FHOD1: variants seen among roughly 807,000 people sequenced by gnomAD.
FHOD1 encodes the protein formin homology 2 domain containing 1, also known as FH1/FH2 domain-containing protein 1.
A neutral mutation model predicts 111.6 loss-of-function variants in FHOD1; 89 were observed. The observed-to-expected ratio is 0.80, with a 90% confidence interval of 0.67 to 0.95. The LOEUF (loss-of-function observed/expected upper bound fraction) is 0.95, where lower values mean the gene tolerates loss of function less well. Ranked by LOEUF, FHOD1 falls within the 40% of genes least tolerant of loss-of-function variation. The pLI is 0.00. For synonymous variants in FHOD1, 618 were observed against 639.0 expected, an observed-to-expected ratio of 0.97 and a Z score of 0.50; for missense variants, 1,446 against 1,554.2, an observed-to-expected ratio of 0.93 and a Z score of 1.17.
At chr16:67,236,799 G>A in intron 10 of FHOD1, 66 bp from the exon 11 acceptor site, 1 of 1,290,346 alleles carries the variant, frequency 7.7e-7, no homozygotes, top group Non-Finnish European at 1.0e-6. Context: ...TCAGTGGGGT[G>A]GGGCCTGCGG....
chr16:67,239,269 T>G, intron 2 of FHOD1, 79 bp downstream of exon 2: 1 of 1,101,884 alleles, frequency 9.1e-7, no homozygotes, highest in Middle Eastern at 2.0e-4. Context: ...AGTGATCGAG[T>G]GTCTCAGCTG....
Position 67,238,720 on chromosome 16 carries a change from T to C in FHOD1, c.373+183A>G. 1.5e-6 allele frequency: 1 copy of C among 681,722 alleles called. No homozygotes were observed. The highest frequency in any genetic ancestry group is 2.6e-6 in the Non-Finnish European group (1 of 385,034). The allele number at this position is 681,722 out of a possible 1,614,324, so 42.2% of individuals were successfully genotyped here. On this transcript the variant is annotated intron_variant, in intron 3 of 21. Transcript: ENST00000258201. This position sits in a 1 kb window ranked among gnomAD's most constrained non-coding sequence, Gnocchi z 4.2. ...GCATGAGCTACCACGCCTGGTCTAT[T>C]CTAACATTCTTGAATCCCCCTCCAC...
In FHOD1 at chr16:67,231,399, C is replaced by T; in HGVS notation, c.2505+31G>A. On this transcript the variant is annotated intron_variant, in intron 16 of 21. Transcript: ENST00000258201. This position sits in a 1 kb window ranked among gnomAD's most constrained non-coding sequence, Gnocchi z 4.3. ...GGCCTGGTTGGCTCCAGAACCCTGA[C>T]TCCCCCTAGTCCCCATGTACTCTCA... 6.2e-7 allele frequency: 1 copy of T among 1,613,614 alleles called. No individual in the cohort carries two copies. Among genetic ancestry groups the T allele is most frequent in the Admixed American group, 1.7e-5 (1 of 59,996 alleles).
chr16:67,247,247 A>G lies in FHOD1; in HGVS notation c.164T>C (p.Ile55Thr), dbSNP rs1206679925. Residue 55 changes from isoleucine (I) to threonine (T), a missense_variant, in exon 1 of 22, where the codon ATA becomes ACA. Physicochemically the swap from Ile to Thr is moderately conservative, Grantham distance 89. This residue lies in a region of FHOD1 where 127 missense variants were observed against 118.0 expected (regional missense o/e 1.08). Coordinates refer to ENST00000258201, the MANE Select transcript of FHOD1 (RefSeq NM_013241.3). ...TCCCAGCAGGCGGTGCACCGCGGGTATCTGCGCGCCCAAGGGCAGCGCCCC... is the reference window on the plus strand; with the variant it reads ...TCCCAGCAGGCGGTGCACCGCGGGTGTCTGCGCGCCCAAGGGCAGCGCCCC... Reference protein sequence around the residue: ...LDGALPLGAQIPAVHRLLGAP... With the variant: ...LDGALPLGAQTPAVHRLLGAP... 1 of 1,607,154 alleles carries G rather than the reference A, an allele frequency of 6.2e-7. No homozygotes were observed. The highest frequency in any genetic ancestry group is 1.3e-5 in the African/African-American group (1 of 74,736).
chr16:67,234,761 T>G (rs1436407389), intron 11 of FHOD1: 2 of 397,932 alleles, frequency 5.0e-6, no homozygotes, highest in African/African-American at 2.0e-5. Context: ...GTCCTGGTTT[T>G]TTTTTGGTTG....
At position 67,232,637 on chromosome 16, in the gene FHOD1, A is replaced by G. The variant is rs571216029; in HGVS notation, c.2047-443T>C. ...TGATCCCACAACTGACAAACTGGCAACCTGGAATGTGTAAGTCATGGGGAT... is the reference window on the plus strand; with the variant it reads ...TGATCCCACAACTGACAAACTGGCAGCCTGGAATGTGTAAGTCATGGGGAT... On this transcript the variant is annotated intron_variant, in intron 13 of 21. Coordinates refer to ENST00000258201, the MANE Select transcript of FHOD1 (RefSeq NM_013241.3). 8.6e-5 allele frequency among the ~76,000 whole-genome samples: 13 copies of G among 152,014 alleles called. No homozygotes were observed. The East Asian group carries it at 2.3e-3, about 27-fold the overall frequency.
intron 13 of FHOD1, among the ~76,000 whole-genome samples, chr16:67,233,236 G>A (rs1271311672): frequency 3.9e-5 from 6 of 151,936 alleles, no homozygotes; most frequent in Middle Eastern, 3.4e-3. Context: ...ACAGGTGCCC[G>A]CCACCACGCT....
Position 67,230,690 on chromosome 16 carries a change from T to A in FHOD1, c.2769A>T (p.Pro923=), listed in dbSNP as rs760835500. ...LRSLAKHELA[P]ALRARLTHFL... The stretch of plus-strand genomic sequence containing the variant: ...AGTGGGTGAGGCGGGCACGCAGGGC[T>A]GGGGCCAGCTCATGCTTGGCCAAGC... Residue 923 remains proline (P), a synonymous_variant, in exon 18 of 22, where the codon CCA becomes CCT. Transcript: ENST00000258201. 1.2e-6 allele frequency: 2 copies of A among 1,613,782 alleles called. No individual in the cohort carries two copies. The highest frequency in any genetic ancestry group is 8.5e-7 in the Non-Finnish European group (1 of 1,179,984).
At chr16:67,239,310 G>C (rs2034601377) in intron 2 of FHOD1, 38 bp downstream of exon 2, 1 of 1,503,614 alleles carries the variant, frequency 6.7e-7, no homozygotes, top group Non-Finnish European at 9.3e-7. Flanking sequence ...TGGCAAGGGT[G>C]GGGGTAACCT....
chr16:67,242,742 T>C (rs956017743), intron 1 of FHOD1, among the ~76,000 whole-genome samples: 3 of 152,138 alleles, frequency 2.0e-5, no homozygotes, highest in Non-Finnish European at 2.9e-5. Context: ...GCTTCTCACA[T>C]TGGCCTCCAG....
At chr16:67,233,316 C>A (rs2034349198) in intron 13 of FHOD1, among the ~76,000 whole-genome samples, 1 of 151,982 alleles carries the variant, frequency 6.6e-6, no homozygotes. Flanking sequence ...GAACTCCTGA[C>A]CTCAAATGAT....
chr16:67,238,066 T>C lies in FHOD1; in HGVS notation c.610A>G (p.Ile204Val), dbSNP rs772106179. The change falls in exon 6 of 22, where the codon ATT becomes GTT. Residue 204 changes from isoleucine to valine, a missense_variant. Coordinates refer to ENST00000258201, the MANE Select transcript of FHOD1 (RefSeq NM_013241.3). The surrounding 1 kb of genome is among the most constrained non-coding windows in gnomAD (Gnocchi z 4.2). ...MLGVVAHSDT[I>V]QWLYTLCASL... ...GCACACAATGTGTACAGCCACTGAA[T>C]AGTGTCACTGTGGGCCACCACCCCC... 1 of 1,614,166 alleles carries C rather than the reference T, an allele frequency of 6.2e-7. No individual in the cohort carries two copies. Among genetic ancestry groups the C allele is most frequent in the Non-Finnish European group, 8.5e-7 (1 of 1,180,026 alleles).
rs1398967115 is a variant in FHOD1, at chr16:67,237,437, T to G, written c.849+38A>C. The G allele has an allele frequency of 6.2e-7, 1 of 1,613,832 alleles. No individual in the cohort carries two copies. The highest frequency in any genetic ancestry group is 2.2e-5 in the East Asian group (1 of 44,882). On this transcript the variant is annotated intron_variant, in intron 8 of 21. Coordinates refer to ENST00000258201, the MANE Select transcript of FHOD1 (RefSeq NM_013241.3). The surrounding 1 kb of genome is among the most constrained non-coding windows in gnomAD (Gnocchi z 5.6). ...GAGGTTGGTGGGGAGGTCAGGAGCC[T>G]GAGCATCCCAGAGCTGGCACCCAGT...
In FHOD1 at chr16:67,231,129, C is replaced by T. The variant is rs996796609; in HGVS notation, c.2667+59G>A. 11 of 1,590,732 alleles carry T rather than the reference C, an allele frequency of 6.9e-6. No individual in the cohort carries two copies. Among genetic ancestry groups the T allele is most frequent in the Admixed American group, 1.7e-5 (1 of 58,668 alleles). ...TGGGGAGAAGGGGGAGGAGCCAGGC[C>T]CAGGAAGCAGCGCTCCTCATGCCTT... On this transcript the variant is annotated intron_variant, in intron 17 of 21. Transcript: ENST00000258201. The surrounding 1 kb of genome is among the most constrained non-coding windows in gnomAD (Gnocchi z 4.3).
chr16:67,229,653 G>C lies in FHOD1; in HGVS notation c.3478C>G (p.Pro1160Ala). ...CAGCACCTTCACACCTCCAGGCCAG[G>C]ACCCTTGCTTAGTCCCAGTGCCTGC... ...LVQALGLSKG[P>A]GLEV The change falls in exon 22 of 22, where the codon CCT becomes GCT. Residue 1160 changes from proline (P) to alanine (A), a missense_variant. Pro to Ala is a conservative substitution (Grantham distance 27, BLOSUM62 -1). This residue lies in a region of FHOD1 where 1,085 missense variants were observed against 1,108.8 expected (regional missense o/e 0.98). Transcript: ENST00000258201. The C allele has an allele frequency of 1.2e-6, 2 of 1,614,148 alleles. No individual in the cohort carries two copies. The highest frequency in any genetic ancestry group is 1.7e-6 in the Non-Finnish European group (2 of 1,179,982).
chr16:67,237,546 C>T lies in FHOD1; in HGVS notation c.778G>A (p.Val260Met). The change falls in exon 8 of 22, where the codon GTG (valine) becomes ATG (methionine). Residue 260 changes from valine to methionine, a missense_variant. Around this residue, in one of 3 missense-constraint regions of FHOD1, gnomAD observed 234 missense variants for 327.4 expected, o/e 0.71. Coordinates refer to ENST00000258201, the MANE Select transcript of FHOD1 (RefSeq NM_013241.3). This position sits in a 1 kb window ranked among gnomAD's most constrained non-coding sequence, Gnocchi z 5.6. ...TTGAPPWANL[V>M]SILEEKNGAD... Reference sequence around the variant, plus strand: ...CCATTCTTCTCCTCCAGGATGGACACCAGATTGGCCCAGGGAGGAGCACCT... The same window carrying T: ...CCATTCTTCTCCTCCAGGATGGACATCAGATTGGCCCAGGGAGGAGCACCT... 6.2e-7 allele frequency: 1 copy of T among 1,614,098 alleles called. No homozygotes were observed. The highest frequency in any genetic ancestry group is 8.5e-7 in the Non-Finnish European group (1 of 1,180,008).
rs144258782 is a variant in FHOD1, at chr16:67,237,242, G to T, written c.990C>A (p.Tyr330Ter). 253 of 1,613,248 alleles carry T rather than the reference G, an allele frequency of 1.6e-4. No individual in the cohort carries two copies. The highest frequency in any genetic ancestry group is 1.8e-4 in the Non-Finnish European group (210 of 1,179,554). ...DVDLRTQLVL[Y>*]ENALKLEDGD... ...CAGAGCGTAAGGCCCGGCCCACCTC[G>T]TAGAGCACAAGCTGCGTGCGCAGGT... The change falls in exon 9 of 22, where the codon TAC (tyrosine) becomes TAA (stop). Residue 330 changes from tyrosine (Y) to a stop codon, truncating the protein, a stop_gained. Transcript: ENST00000258201. LOFTEE classifies it high-confidence loss of function. The surrounding 1 kb of genome is among the most constrained non-coding windows in gnomAD (Gnocchi z 5.6).
chr16:67,231,997 A>G lies in FHOD1; in HGVS notation c.2202+42T>C, dbSNP rs2034294776. ...GGAAATGCCCACCTACCAAAGGAGAAGGCCAGACCTCCCCCCAACACCCAT... is the reference window on the plus strand; with the variant it reads ...GGAAATGCCCACCTACCAAAGGAGAGGGCCAGACCTCCCCCCAACACCCAT... On this transcript the variant is annotated intron_variant, in intron 14 of 21. Coordinates refer to ENST00000258201, the MANE Select transcript of FHOD1 (RefSeq NM_013241.3). This position sits in a 1 kb window ranked among gnomAD's most constrained non-coding sequence, Gnocchi z 4.3. 1 of 1,608,010 alleles carries G rather than the reference A, an allele frequency of 6.2e-7. No individual in the cohort carries two copies. The highest frequency in any genetic ancestry group is 1.3e-5 in the African/African-American group (1 of 74,800).
chr16:67,236,601 AGAGAT>A lies in FHOD1; in HGVS notation c.1270_1274del (p.Ile424CysfsTer6). 6.2e-7 allele frequency: 1 copy of A among 1,613,728 alleles called. No individual in the cohort carries two copies. Among genetic ancestry groups the A allele is most frequent in the South Asian group, 1.1e-5 (1 of 90,896 alleles). On this transcript the variant is annotated frameshift_variant, in exon 11 of 22. Transcript: ENST00000258201. LOFTEE classifies it high-confidence loss of function. ...TGGAGGTGTCAGCTGAGGGTGCCAC[AGAGAT>A]GGTAGGAAAAAGGTTCACTGAAGCT...
Sources: allele counts gnomAD v4.1 joint callset (sites outside exome capture counted in the v4.1 genomes callset), GRCh38; gene constraint gnomAD v4.1.1; regional missense constraint gnomAD v4.1.1; non-coding constraint Gnocchi (gnomAD v3.1); transcripts MANE v1.5; gene names NCBI Gene and HGNC (gene_info 2026-07-23, HGNC 2026-07-21).